The following CHN2 variants were observed in gnomAD, a reference collection of about 807,000 sequenced individuals.
CHN2 encodes beta-chimaerin.
A neutral mutation model predicts 56.3 loss-of-function variants in CHN2; 35 were observed. The ratio of observed to expected loss-of-function variants is 0.62; its 90% CI spans 0.47 to 0.82. CHN2 has a LOEUF of 0.82. Among genes scored for constraint, CHN2 ranks in the 40% least tolerant of loss-of-function variants. CHN2 has a pLI of 0.00. For synonymous variants in CHN2, 210 were observed against 212.8 expected (o/e 0.99, Z 0.12); for missense variants, 491 against 580.5 (o/e 0.85, Z 1.58).
At chr7:29,238,234 G>A (rs898357072) in intron 1 of CHN2, among the ~76,000 whole-genome samples, 2 of 151,822 alleles carry the variant, frequency 1.3e-5, no homozygotes, top group African/African-American at 2.4e-5. Flanking sequence ...TAGCCAGGAA[G>A]GTCTTGATCT....
chr7:29,469,856 A>G (rs1785884131), intron 6 of CHN2, among the ~76,000 whole-genome samples: 2 of 152,292 alleles, frequency 1.3e-5, no homozygotes, highest in African/African-American at 2.4e-5. Context: ...CTGGCCTAAT[A>G]CAGTGCCTGA....
chr7:29,171,211 AC>A (rs1019079014), intron 2 of CHN2, among the ~76,000 whole-genome samples: 1 of 152,198 alleles, frequency 6.6e-6, no homozygotes, highest in African/African-American at 2.4e-5. Context: ...ACATGAAGGA[AC>A]AGCGCAGACA....
chr7:29,435,111 G>A (rs186493734), intron 6 of CHN2, among the ~76,000 whole-genome samples: 70 of 151,848 alleles, frequency 4.6e-4, no homozygotes, highest in Non-Finnish European at 8.5e-4. Flanking sequence ...ACAAAAACAA[G>A]CAAACAAACA....
intron 1 of CHN2, among the ~76,000 whole-genome samples, chr7:29,353,370 A>G (rs1798030546): frequency 6.6e-6 from 1 of 152,194 alleles, no homozygotes; most frequent in Non-Finnish European, 1.5e-5. Context: ...GAAAAGTCTA[A>G]CAGCCAGGCG....
chr7:29,382,842 G>T (rs1295652050), intron 3 of CHN2, among the ~76,000 whole-genome samples: 1 of 152,152 alleles, frequency 6.6e-6, no homozygotes, highest in East Asian at 1.9e-4. Flanking sequence ...AGAATTCCAG[G>T]CAGAGGACAT....
intron 1 of CHN2, among the ~76,000 whole-genome samples, chr7:29,252,583 T>TG (rs1562866439): frequency 5.2e-5 from 1 of 19,252 alleles, no homozygotes; most frequent in African/African-American, 7.2e-4. Flanking sequence ...TCTTTGTTTT[T>TG]TTTTTTTTTT....
intron 2 of CHN2, among the ~76,000 whole-genome samples, chr7:29,360,310 T>C (rs1798633329): frequency 6.6e-6 from 1 of 151,988 alleles, no homozygotes; most frequent in Admixed American, 6.6e-5. Context: ...TCACCTGCGG[T>C]TGGGAGTTCG....
At chr7:29,485,878 CTCTT>C (rs1210693198) in intron 7 of CHN2, among the ~76,000 whole-genome samples, 1 of 152,126 alleles carries the variant, frequency 6.6e-6, no homozygotes, top group Non-Finnish European at 1.5e-5. Context: ...ATCTGCATCA[CTCTT>C]TCCTGCCAAA....
At chr7:29,268,299 C>T (rs1267858081) in intron 1 of CHN2, among the ~76,000 whole-genome samples, 1 of 145,686 alleles carries the variant, frequency 6.9e-6, no homozygotes, top group African/African-American at 2.8e-5. Context: ...CACACACACA[C>T]ACACACACAC....
chr7:29,280,112 G>A (rs780352775), intron 1 of CHN2, among the ~76,000 whole-genome samples: 14 of 152,134 alleles, frequency 9.2e-5, no homozygotes, highest in African/African-American at 2.2e-4. Flanking sequence ...GGCCATGCGC[G>A]GTGGCTCACG....
chr7:29,343,751 C>G (rs966610168), intron 1 of CHN2, among the ~76,000 whole-genome samples: 9 of 152,058 alleles, frequency 5.9e-5, no homozygotes, highest in African/African-American at 2.2e-4. Flanking sequence ...TCTGTCAAAG[C>G]CTTCCCTCCC....
rs551406632 is a variant in CHN2 at position 29,286,224 on chromosome 7, T to C, written c.50-68401T>C. On this transcript the variant is annotated intron_variant, in intron 1 of 12. Coordinates refer to ENST00000222792, the MANE Select transcript of CHN2 (RefSeq NM_004067.4). The stretch of plus-strand genomic sequence containing the variant: ...CATTCTCTCTCATCTTTTTTTTTTT[T>C]CCCCTTACTCAGATTCCCTTGGGAA... Among the ~76,000 whole-genome samples the C allele has an allele frequency of 4.1e-3, 625 of 150,702 alleles. 3 individuals carry two copies. Among genetic ancestry groups the C allele is most frequent in the African/African-American group, 0.013 (532 of 40,666 alleles).
At chr7:29,439,580 C>T (rs182960023) in intron 6 of CHN2, among the ~76,000 whole-genome samples, 2 of 152,182 alleles carry the variant, frequency 1.3e-5, no homozygotes, top group Non-Finnish European at 1.5e-5. Context: ...TCATCCACAT[C>T]CCCCATATGA....
chr7:29,454,787 A>G (rs545337837), intron 6 of CHN2, among the ~76,000 whole-genome samples: 4 of 152,326 alleles, frequency 2.6e-5, no homozygotes, highest in Admixed American at 6.5e-5. Context: ...CTACGTGACT[A>G]CGTGCATTTG....
chr7:29,280,727 A>T (rs866501071), intron 1 of CHN2, among the ~76,000 whole-genome samples: 2 of 152,350 alleles, frequency 1.3e-5, no homozygotes, highest in South Asian at 4.1e-4. Flanking sequence ...TGGTGTGATC[A>T]TGTGCAAGTC....
At chr7:29,192,505 A>G (rs1783019071), upstream of CHN2, 1 of 152,244 alleles carries the variant, frequency 6.6e-6, no homozygotes, top group African/African-American at 2.4e-5. Context: ...TAGATTGAAG[A>G]TAAGACATTT....
intron 2 of CHN2, among the ~76,000 whole-genome samples, chr7:29,149,998 T>C (rs1793370518): frequency 6.6e-6 from 1 of 152,222 alleles, no homozygotes; most frequent in South Asian, 2.1e-4. Context: ...AGCCCTTCTC[T>C]TGTATTGAGA....
chr7:29,509,439 T>TAGGAGCAGAGCAG, intron 12 of CHN2, 33 bp downstream of exon 12: 1 of 1,545,878 alleles, frequency 6.5e-7, no homozygotes, highest in Non-Finnish European at 8.9e-7. Flanking sequence ...AAGCCTGCTC[T>TAGGAGCAGAGCAG]GCTCCTAGAG....
At chr7:29,211,587 A>C (rs1290851811) in intron 1 of CHN2, among the ~76,000 whole-genome samples, 3 of 152,054 alleles carry the variant, frequency 2.0e-5, no homozygotes, top group African/African-American at 4.8e-5. Flanking sequence ...TTTATCTAAA[A>C]ACTATCAGGG....
Sources: gnomAD v4.1 joint callset for allele counts (sites outside exome capture counted in the v4.1 genomes callset) on GRCh38, gnomAD v4.1.1 for gene constraint, MANE v1.5 for transcripts, NCBI Gene and HGNC (gene_info 2026-07-23, HGNC 2026-07-21) for gene names.